The following CHFR variants were observed in gnomAD, a reference collection of about 807,000 sequenced individuals.
CHFR encodes the protein E3 ubiquitin-protein ligase CHFR.
CHFR carries 57 observed loss-of-function variants against 87.6 expected under a neutral mutation model. The ratio of observed to expected loss-of-function variants is 0.65; its 90% CI spans 0.53 to 0.81. CHFR has a LOEUF of 0.81. CHFR is among the 30% of genes least tolerant of loss of function. CHFR has a pLI of 0.00. For synonymous variants in CHFR, 381 were observed against 359.2 expected, an observed-to-expected ratio of 1.06 and a Z score of -0.69; for missense variants, 797 against 865.8, an observed-to-expected ratio of 0.92 and a Z score of 1.00.
intron 2 of CHFR, among the ~76,000 whole-genome samples, chr12:132,883,626 T>C (rs7954854): frequency 0.16 from 23,973 of 150,810 alleles, 3,994 homozygotes; most frequent in East Asian, 0.47. Context: ...ACTTGGGAGG[T>C]TGAGGCAGGA....
chr12:132,865,224 T>C (rs1339549558), intron 6 of CHFR, among the ~76,000 whole-genome samples: 1 of 152,186 alleles, frequency 6.6e-6, no homozygotes, highest in Non-Finnish European at 1.5e-5. Flanking sequence ...TGGATCTAGC[T>C]GTGAAGAGCC....
At chr12:132,848,828 G>C in intron 12 of CHFR, 104 bp from the exon 13 acceptor site, 1 of 849,286 alleles carries the variant, frequency 1.2e-6, no homozygotes, top group Non-Finnish European at 1.9e-6. Flanking sequence ...TGGAAACATT[G>C]TTCAGGAGGG....
chr12:132,846,072 T>G (rs1037567247), intron 15 of CHFR, among the ~76,000 whole-genome samples: 1 of 152,082 alleles, frequency 6.6e-6, no homozygotes, highest in Non-Finnish European at 1.5e-5. Context: ...CTTAAAAGTT[T>G]CTTTTGTCTT....
rs762628104 is a variant in CHFR at position 132,887,162 on chromosome 12, G to GCCCCGGC, written c.133+27_133+33dup. ...GCCCGCAACCCGGTGGCTCTGCCCG[G>GCCCCGGC]CCCCGGCCCCCGGCCCCGGCCTCAG... On this transcript the variant is annotated intron_variant, in intron 2 of 17. Transcript: ENST00000450056. The GCCCCGGC allele has an allele frequency of 1.6e-4, 239 of 1,450,248 alleles. No homozygotes were observed. The Middle Eastern group carries it at 1.8e-3, about 11-fold the overall frequency. The allele number at this position is 1,450,248 out of a possible 1,614,324, so 89.8% of individuals were successfully genotyped here. A position where few individuals can be genotyped will look rare whatever the true frequency, so the allele number is the denominator to read the frequency against.
chr12:132,843,968 G>T, intron 16 of CHFR, 59 bp downstream of exon 16: 1 of 1,065,368 alleles, frequency 9.4e-7, no homozygotes, highest in Non-Finnish European at 1.4e-6. Flanking sequence ...AAGAGAGGCA[G>T]AAGCCAAGAA....
At chr12:132,863,684 G>A (rs1218700572) in intron 6 of CHFR, among the ~76,000 whole-genome samples, 2 of 152,162 alleles carry the variant, frequency 1.3e-5, no homozygotes, top group Non-Finnish European at 2.9e-5. Context: ...TAGGGAGAGC[G>A]CTATCTCCAC....
At chr12:132,846,294 G>A (rs113187907) in intron 15 of CHFR, among the ~76,000 whole-genome samples, 29,376 of 138,298 alleles carry the variant, frequency 0.21, 3,931 homozygotes, top group Non-Finnish European at 0.3. Flanking sequence ...ACGGAGTCTC[G>A]CTCTGTCCCC....
At chr12:132,862,067 G>A (rs560376442) in intron 6 of CHFR, among the ~76,000 whole-genome samples, 89 of 152,274 alleles carry the variant, frequency 5.8e-4, no homozygotes, top group African/African-American at 1.9e-3. Context: ...GAGGTCAGGA[G>A]GTCGAGACCA....
intron 1 of CHFR, 59 bp from the exon 2 acceptor site, chr12:132,887,399 G>A (rs1338258364): frequency 1.9e-5 from 23 of 1,198,598 alleles, no homozygotes; most frequent in Non-Finnish European, 2.3e-5. Flanking sequence ...GAGACTCGGC[G>A]CCCGCCCCAC....
chr12:132,855,922 T>C (rs753454497), intron 10 of CHFR, among the ~76,000 whole-genome samples: 1 of 152,222 alleles, frequency 6.6e-6, no homozygotes, highest in Non-Finnish European at 1.5e-5. Context: ...CCCGGTCTTG[T>C]GCATTAGGAA....
rs747235725 is a variant in CHFR, at chr12:132,856,635, A to T, written c.1067-5T>A. ...CTTCTTCACTGCGACTCTTGTCTAG[A>T]ATTGAAAGGACACAGCGCCATTCAC... On this transcript the variant is annotated splice_region_variant and splice_polypyrimidine_tract_variant and intron_variant, in intron 9 of 17. Transcript: ENST00000450056. 6.2e-7 allele frequency: 1 copy of T among 1,613,776 alleles called. No homozygotes were observed. Among genetic ancestry groups the T allele is most frequent in the East Asian group, 2.2e-5 (1 of 44,886 alleles).
At chr12:132,855,081 A>AT (rs2136956957) in intron 10 of CHFR, 1 of 152,188 alleles carries the variant, frequency 6.6e-6, no homozygotes, top group South Asian at 2.1e-4. Context: ...GTCTTTACTA[A>AT]AAACACAAAA....
At chr12:132,872,135 T>G in intron 4 of CHFR, 150 bp downstream of exon 4, 1 of 618,600 alleles carries the variant, frequency 1.6e-6, no homozygotes, top group Non-Finnish European at 2.9e-6. Flanking sequence ...CAGACACTAT[T>G]CACGGCAGGA....
At position 132,837,888 on chromosome 12, in the gene CHFR, C is replaced by T. The variant is rs1950660584; in HGVS notation, c.*3666G>A. On this transcript the variant is annotated 3_prime_UTR_variant, in exon 18 of 18. Transcript: ENST00000450056. ...GCCGCGGGGACAGCGTTCTGGTTTCCCCATCAAGCCAGGCTGGAGGGACGA... is the reference window on the plus strand; with the variant it reads ...GCCGCGGGGACAGCGTTCTGGTTTCTCCATCAAGCCAGGCTGGAGGGACGA... The T allele has an allele frequency of 6.6e-6, 1 of 152,396 alleles. No individual in the cohort carries two copies. Among genetic ancestry groups the T allele is most frequent in the Non-Finnish European group, 1.5e-5 (1 of 68,152 alleles). The allele number at this position is 152,396 out of a possible 1,614,324, so 9.4% of individuals were successfully genotyped here. A position where few individuals can be genotyped will look rare whatever the true frequency, so the allele number is the denominator to read the frequency against.
intron 15 of CHFR, among the ~76,000 whole-genome samples, chr12:132,846,328 T>C (rs1046392842): frequency 2.0e-5 from 3 of 150,438 alleles, no homozygotes; most frequent in Non-Finnish European, 4.4e-5. Flanking sequence ...AGTGGCGTGA[T>C]TTTGGCTCAC....
intron 2 of CHFR, among the ~76,000 whole-genome samples, chr12:132,884,192 G>T (rs1232066953): frequency 6.6e-6 from 1 of 151,652 alleles, no homozygotes; most frequent in Admixed American, 6.6e-5. Context: ...GCCGAGGCGG[G>T]TGGATCACCT....
rs56957418 is a variant in CHFR at position 132,863,452 on chromosome 12, C to T, written c.584-1818G>A. Among the ~76,000 whole-genome samples, 9 of 152,020 alleles carry T rather than the reference C, an allele frequency of 5.9e-5. No individual in the cohort carries two copies. The South Asian group carries it at 8.3e-4, about 14-fold the overall frequency. Reference sequence around the variant, plus strand: ...ACCCAGGAGGCGGAGTTGCAGCGAACGAAGTTCGCGCCATTGCACTCCAGC... The same window carrying T: ...ACCCAGGAGGCGGAGTTGCAGCGAATGAAGTTCGCGCCATTGCACTCCAGC... On this transcript the variant is annotated intron_variant, in intron 6 of 17. Coordinates refer to ENST00000450056, the MANE Select transcript of CHFR (RefSeq NM_001161346.2).
At chr12:132,842,425 G>A (rs534721787) in intron 17 of CHFR, among the ~76,000 whole-genome samples, 2 of 152,322 alleles carry the variant, frequency 1.3e-5, no homozygotes, top group East Asian at 1.9e-4. Context: ...TCCCTGTGAG[G>A]GAGGCGCCTT....
intron 10 of CHFR, chr12:132,853,895 G>A (rs959901915): frequency 2.3e-5 from 8 of 345,504 alleles, no homozygotes; most frequent in South Asian, 3.9e-5. Flanking sequence ...GCACGTGCGC[G>A]CACGCCCCGT....
Sources: gnomAD v4.1 joint callset for allele counts (sites outside exome capture counted in the v4.1 genomes callset) on GRCh38, gnomAD v4.1.1 for gene constraint, MANE v1.5 for transcripts, NCBI Gene and HGNC (gene_info 2026-07-23, HGNC 2026-07-21) for gene names.